Variants in PEX14 observed in about 807,000 individuals in gnomAD.
PEX14 encodes peroxisomal biogenesis factor 14.
In PEX14, 15 loss-of-function variants were observed where a neutral mutation model predicts 49.5. The ratio of observed to expected loss-of-function variants is 0.30; its 90% CI spans 0.20 to 0.47. The LOEUF is 0.47. Among genes scored for constraint, PEX14 ranks in the 20% least tolerant of loss-of-function variants. The pLI, the probability that PEX14 is intolerant of heterozygous loss-of-function variation, is 1.00. For synonymous variants in PEX14, 210 were observed against 212.7 expected (o/e 0.99, Z 0.11); for missense variants, 398 against 494.8 (o/e 0.80, Z 1.86).
intron 2 of PEX14, among the ~76,000 whole-genome samples, chr1:10,532,040 C>T (rs1452392401): frequency 6.6e-6 from 1 of 152,154 alleles, no homozygotes; most frequent in Non-Finnish European, 1.5e-5. Context: ...GCACATAGTT[C>T]ATAGTAGATA....
intron 2 of PEX14, among the ~76,000 whole-genome samples, chr1:10,532,464 G>A (rs953665703): frequency 2.0e-5 from 3 of 152,104 alleles, no homozygotes; most frequent in Admixed American, 1.3e-4. Context: ...GATTAAACTA[G>A]CTATTGGTAA....
chr1:10,490,846 G>C (rs1470668408), intron 1 of PEX14, among the ~76,000 whole-genome samples: 1 of 151,830 alleles, frequency 6.6e-6, no homozygotes, highest in Non-Finnish European at 1.5e-5. Flanking sequence ...GGACTTACAG[G>C]CATGTGCCAC....
chr1:10,480,387 C>CTTT lies in PEX14; in HGVS notation c.36+5407_36+5409dup, dbSNP rs34544712. On this transcript the variant is annotated intron_variant, in intron 1 of 8. Transcript: ENST00000356607. ...GGTGTGTGCCACTACGCCTGGCTAA[C>CTTT]TTTTTTTTTTTTTTTTTTTTTTTTG... Among the ~76,000 whole-genome samples the CTTT allele has an allele frequency of 3.9e-3, 338 of 87,248 alleles. 3 individuals are homozygous for CTTT. The highest frequency in any genetic ancestry group is 4.7e-3 in the Non-Finnish European group (230 of 49,286). The allele number at this position is 87,248 out of a possible 152,430, so 57.2% of individuals were successfully genotyped here. A position where few individuals can be genotyped will look rare whatever the true frequency, so the allele number is the denominator to read the frequency against.
chr1:10,478,550 C>T (rs1185719818), intron 1 of PEX14, among the ~76,000 whole-genome samples: 1 of 151,990 alleles, frequency 6.6e-6, no homozygotes, highest in Non-Finnish European at 1.5e-5. Context: ...TTATTGCTTC[C>T]TTTGTTCTGT....
intron 3 of PEX14, among the ~76,000 whole-genome samples, chr1:10,583,590 T>C (rs1239737451): frequency 6.6e-6 from 1 of 151,914 alleles, no homozygotes; most frequent in East Asian, 1.9e-4. Flanking sequence ...ACTAGGAACA[T>C]AGCAGTGAAT....
rs1641533912 is a variant in PEX14 at position 10,495,002 on chromosome 1, C to T, written c.37-272C>T. On this transcript the variant is annotated intron_variant, in intron 1 of 8. Transcript: ENST00000356607. This position sits in a 1 kb window ranked among gnomAD's most constrained non-coding sequence, Gnocchi z 4.2. ...CAGCCCTTGCTGCTCAGTAGGTGAT[C>T]GTGGGCCTTCCTGAGCAGAACCAAG... 1.8e-6 allele frequency: 1 copy of T among 545,242 alleles called. No homozygotes were observed. The highest frequency in any genetic ancestry group is 2.3e-6 in the Non-Finnish European group (1 of 427,828). The allele number at this position is 545,242 out of a possible 1,614,324, so 33.8% of individuals were successfully genotyped here. A position where few individuals can be genotyped will look rare whatever the true frequency, so the allele number is the denominator to read the frequency against.
At chr1:10,552,613 C>T (rs1300670675) in intron 3 of PEX14, among the ~76,000 whole-genome samples, 1 of 152,178 alleles carries the variant, frequency 6.6e-6, no homozygotes, top group Admixed American at 6.5e-5. Flanking sequence ...ATATCCATTT[C>T]CTTCATGTGC....
At chr1:10,491,273 A>T (rs1010620092) in intron 1 of PEX14, among the ~76,000 whole-genome samples, 5 of 152,118 alleles carry the variant, frequency 3.3e-5, no homozygotes, top group Non-Finnish European at 7.4e-5. Context: ...GGTGGCTCAC[A>T]TTTGTATTCC....
At chr1:10,502,902 A>T (rs1172140649) in intron 2 of PEX14, among the ~76,000 whole-genome samples, 11 of 148,898 alleles carry the variant, frequency 7.4e-5, no homozygotes, top group African/African-American at 2.7e-4. Flanking sequence ...GGCTCAGGTG[A>T]TTCTCCCACC....
intron 2 of PEX14, among the ~76,000 whole-genome samples, chr1:10,526,267 G>C (rs1570208925): frequency 6.6e-6 from 1 of 150,880 alleles, no homozygotes; most frequent in East Asian, 1.9e-4. Flanking sequence ...TGTTGCTCAG[G>C]CTGGAGTGCA....
intron 3 of PEX14, among the ~76,000 whole-genome samples, chr1:10,567,454 T>G (rs965028871): frequency 7.2e-5 from 11 of 152,220 alleles, no homozygotes; most frequent in African/African-American, 2.7e-4. Context: ...CTATTCTTAT[T>G]TCTATATAAT....
intron 2 of PEX14, among the ~76,000 whole-genome samples, chr1:10,523,348 C>G (rs767973857): frequency 6.6e-6 from 1 of 152,266 alleles, no homozygotes. Context: ...CTGCTATTCC[C>G]TGTCTCCTCC....
chr1:10,566,109 C>G (rs1170509219), intron 3 of PEX14, among the ~76,000 whole-genome samples: 4 of 152,232 alleles, frequency 2.6e-5, no homozygotes, highest in Non-Finnish European at 5.9e-5. Context: ...TCTTGGTTGC[C>G]TTGGCAGCTC....
At chr1:10,527,646 G>C (rs1406184218) in intron 2 of PEX14, among the ~76,000 whole-genome samples, 1 of 151,166 alleles carries the variant, frequency 6.6e-6, no homozygotes, top group Non-Finnish European at 1.5e-5. Flanking sequence ...TGGGGTGTTT[G>C]GTAGAATTGC....
At chr1:10,543,069 C>T (rs1297023325) in intron 3 of PEX14, among the ~76,000 whole-genome samples, 6 of 152,204 alleles carry the variant, frequency 3.9e-5, no homozygotes, top group Admixed American at 3.9e-4. Flanking sequence ...TAACAAATTG[C>T]GGTTAACACT....
chr1:10,563,144 C>T (rs1268215340), intron 3 of PEX14, among the ~76,000 whole-genome samples: 3 of 148,732 alleles, frequency 2.0e-5, no homozygotes, highest in African/African-American at 7.4e-5. Context: ...TCTCGAACTC[C>T]TGACCTTGCG....
chr1:10,513,159 A>G (rs115534371), intron 2 of PEX14, among the ~76,000 whole-genome samples: 2,166 of 152,302 alleles, frequency 0.014, 48 homozygotes, highest in African/African-American at 0.049. Flanking sequence ...GTGTTTTCAC[A>G]ATAGTTAACA....
rs1641901079 is a variant in PEX14, at chr1:10,512,475, T to C, written c.84+17154T>C. On this transcript the variant is annotated intron_variant, in intron 2 of 8. Coordinates refer to ENST00000356607, the MANE Select transcript of PEX14 (RefSeq NM_004565.3). This position sits in a 1 kb window ranked among gnomAD's most constrained non-coding sequence, Gnocchi z 4.6. ...TTTTAATGAAGGTGGGGTGGATCCC[T>C]GATGTTCGCCTGCTTTGAAGCATAG... 6.6e-6 allele frequency among the ~76,000 whole-genome samples: 1 copy of C among 152,204 alleles called. No homozygotes were observed. Among genetic ancestry groups the C allele is most frequent in the Admixed American group, 6.5e-5 (1 of 15,282 alleles).
At chr1:10,626,218 C>T (rs1218943244) in intron 7 of PEX14, among the ~76,000 whole-genome samples, 2 of 152,188 alleles carry the variant, frequency 1.3e-5, no homozygotes, top group Admixed American at 6.5e-5. Context: ...GCACCATATG[C>T]GTTTGGAAAT....
Sources: gnomAD v4.1 joint callset for allele counts (sites outside exome capture counted in the v4.1 genomes callset) on GRCh38, gnomAD v4.1.1 for gene constraint, Gnocchi (gnomAD v3.1) non-coding constraint, MANE v1.5 for transcripts, NCBI Gene and HGNC (gene_info 2026-07-23, HGNC 2026-07-21) for gene names.